Variants in RAB11FIP3 observed in about 807,000 individuals in gnomAD.
The protein encoded by RAB11FIP3 is rab11 family-interacting protein 3.
RAB11FIP3 carries 17 observed loss-of-function variants against 77.8 expected under a neutral mutation model. That is an observed-to-expected ratio of 0.22 (90% CI 0.15 to 0.33). RAB11FIP3 has a LOEUF of 0.33. Among genes scored for constraint, RAB11FIP3 ranks in the 10% least tolerant of loss-of-function variants. The pLI is 1.00. For synonymous variants in RAB11FIP3, 437 were observed against 448.2 expected (o/e 0.98, Z 0.31); for missense variants, 1,005 against 1,011.2 (o/e 0.99, Z 0.08).
At chr16:450,052 T>C (rs1161464825) in intron 1 of RAB11FIP3, among the ~76,000 whole-genome samples, 1 of 152,182 alleles carries the variant, frequency 6.6e-6, no homozygotes, top group Non-Finnish European at 1.5e-5. Context: ...GTCTTAGAAT[T>C]CTGCCTGCTA....
At chr16:430,969 C>A (rs760563944) in intron 1 of RAB11FIP3, among the ~76,000 whole-genome samples, 4 of 152,248 alleles carry the variant, frequency 2.6e-5, no homozygotes, top group Non-Finnish European at 5.9e-5. Context: ...GGATTGCAGG[C>A]ATGAGCCGTA....
intron 1 of RAB11FIP3, among the ~76,000 whole-genome samples, chr16:460,948 C>T (rs899961490): frequency 1.6e-4 from 24 of 152,174 alleles, no homozygotes; most frequent in African/African-American, 5.1e-4. Context: ...CAGAGGCTGT[C>T]ACTGTCAGCA....
intron 1 of RAB11FIP3, among the ~76,000 whole-genome samples, chr16:459,364 G>T (rs2055564046): frequency 6.6e-6 from 1 of 150,742 alleles, no homozygotes; most frequent in East Asian, 2.0e-4. Context: ...GACCTCAGGT[G>T]ATCCGCCTGC....
intron 8 of RAB11FIP3, among the ~76,000 whole-genome samples, chr16:510,064 C>T (rs530929261): frequency 2.0e-5 from 3 of 151,454 alleles, no homozygotes; most frequent in African/African-American, 4.9e-5. Flanking sequence ...TGAGCGCACG[C>T]GTTGTGTGTA....
intron 1 of RAB11FIP3, among the ~76,000 whole-genome samples, chr16:452,009 C>T (rs1225241419): frequency 1.3e-5 from 2 of 151,984 alleles, no homozygotes; most frequent in Admixed American, 1.3e-4. Flanking sequence ...ATTAGCTGGG[C>T]GTGATGGCAG....
chr16:488,865 G>A lies in RAB11FIP3; in HGVS notation c.1130G>A (p.Gly377Asp), dbSNP rs1166816061. ...LLLPGRPHPHGQSVITVIGGE... is the reference protein window; with the variant it reads ...LLLPGRPHPHDQSVITVIGGE... The stretch of plus-strand genomic sequence containing the variant: ...TTACTTTGCAGGCCTCACCCCCATG[G>A]CCAGTCTGTCATCACGGTGATCGGG... The change falls in exon 5 of 14, where the codon GGC becomes GAC. Residue 377 changes from glycine (G) to aspartate (D), a missense_variant. Around this residue, in one of 4 missense-constraint regions of RAB11FIP3, gnomAD observed 433 missense variants for 436.1 expected, o/e 0.99. Transcript: ENST00000262305. 3.7e-6 allele frequency: 6 copies of A among 1,613,860 alleles called. No individual in the cohort carries two copies. Among genetic ancestry groups the A allele is most frequent in the Non-Finnish European group, 5.1e-6 (6 of 1,179,962 alleles).
At chr16:503,974 ACC>A in intron 7 of RAB11FIP3, among the ~76,000 whole-genome samples, 1 of 13,840 alleles carries the variant, frequency 7.2e-5, no homozygotes, top group East Asian at 3.2e-3. Context: ...GTACCCCCTC[ACC>A]ACCTCCTGTA....
chr16:427,565 G>A (rs1312360974), intron 1 of RAB11FIP3, among the ~76,000 whole-genome samples: 1 of 152,206 alleles, frequency 6.6e-6, no homozygotes, highest in Non-Finnish European at 1.5e-5. Flanking sequence ...ATAACAGCAG[G>A]GCCGTGTGTG....
intron 1 of RAB11FIP3, among the ~76,000 whole-genome samples, chr16:436,621 A>G (rs911122335): frequency 1.3e-5 from 2 of 152,114 alleles, no homozygotes; most frequent in African/African-American, 2.4e-5. Flanking sequence ...AGCTGGGACT[A>G]TAAATGCCTG....
At chr16:475,311 A>G (rs1447826361) in intron 3 of RAB11FIP3, among the ~76,000 whole-genome samples, 3 of 152,242 alleles carry the variant, frequency 2.0e-5, no homozygotes, top group African/African-American at 7.2e-5. Flanking sequence ...TCCAAGATGC[A>G]CTTTGATTTT....
At chr16:447,413 T>C (rs1378115034) in intron 1 of RAB11FIP3, among the ~76,000 whole-genome samples, 1 of 152,056 alleles carries the variant, frequency 6.6e-6, no homozygotes, top group Non-Finnish European at 1.5e-5. Flanking sequence ...GGACTACAGG[T>C]GTGCACCACT....
In RAB11FIP3 at chr16:426,142, G is replaced by C; in HGVS notation, c.136G>C (p.Gly46Arg). ...PAELRLGAPV[G>R]GPDPQSPGLD... ...GGAGCTACGCCTCGGAGCGCCCGTC[G>C]GCGGCCCCGACCCGCAGTCCCCGGG... Residue 46 changes from glycine (G) to arginine (R), a missense_variant, in exon 1 of 14, where the codon GGC (glycine) becomes CGC (arginine). Physicochemically the swap from Gly to Arg is moderately radical, Grantham distance 125. This residue lies in a region of RAB11FIP3 where 466 missense variants were observed against 408.3 expected (regional missense o/e 1.14). Coordinates refer to ENST00000262305, the MANE Select transcript of RAB11FIP3 (RefSeq NM_014700.4). The surrounding 1 kb of genome is among the most constrained non-coding windows in gnomAD (Gnocchi z 5.0). 3.0e-6 allele frequency: 3 copies of C among 1,012,590 alleles called. No individual in the cohort carries two copies. The highest frequency in any genetic ancestry group is 4.5e-5 in the South Asian group (1 of 22,382). The allele number at this position is 1,012,590 out of a possible 1,614,324, so 62.7% of individuals were successfully genotyped here.
At chr16:499,086 C>T (rs868564206) in intron 6 of RAB11FIP3, among the ~76,000 whole-genome samples, 4 of 152,098 alleles carry the variant, frequency 2.6e-5, no homozygotes, top group Admixed American at 1.3e-4. Context: ...TTAGCAGGTG[C>T]CTGTAATCCC....
rs1567392530 is a variant in RAB11FIP3, at chr16:492,488, CCCGGGAGACCCGAGGCCG to C, written c.1265+3491_1265+3508del. On this transcript the variant is annotated intron_variant, in intron 5 of 13. Transcript: ENST00000262305. ...GAGACCCGAGGCCGCCCAGGGCCCT[CCCGGGAGACCCGAGGCCG>C]CCCAGGGCCCTCCCGGGAGACCCGA... Among the ~76,000 whole-genome samples, 10 of 15,174 alleles carry C rather than the reference CCCGGGAGACCCGAGGCCG, an allele frequency of 6.6e-4. 1 individual carries two copies. The highest frequency in any genetic ancestry group is 2.0e-3 in the African/African-American group (10 of 5,018). 10.0% of individuals were successfully genotyped at this position (15,174 alleles called of 152,430 possible).
chr16:437,570 CAAAAAAA>C (rs34184576), intron 1 of RAB11FIP3, among the ~76,000 whole-genome samples: 1 of 58,984 alleles, frequency 1.7e-5, no homozygotes, highest in Admixed American at 2.1e-4. Context: ...AACTCCATCT[CAAAAAAA>C]AAAAAAAAAA....
At chr16:445,475 A>C (rs1446564757) in intron 1 of RAB11FIP3, among the ~76,000 whole-genome samples, 1 of 152,184 alleles carries the variant, frequency 6.6e-6, no homozygotes, top group Non-Finnish European at 1.5e-5. Context: ...ATTGGGTTTT[A>C]GGTACTATGC....
chr16:448,626 C>T (rs1436478857), intron 1 of RAB11FIP3, among the ~76,000 whole-genome samples: 1 of 151,680 alleles, frequency 6.6e-6, no homozygotes, highest in Non-Finnish European at 1.5e-5. Context: ...GTCCCAGCTA[C>T]TCGGGAGGCT....
chr16:425,718 G>A lies in RAB11FIP3; in HGVS notation c.-289G>A. 1 of 272,250 alleles carries A rather than the reference G, an allele frequency of 3.7e-6. No individual in the cohort carries two copies. Among genetic ancestry groups the A allele is most frequent in the Non-Finnish European group, 6.8e-6 (1 of 146,684 alleles). 16.9% of individuals were successfully genotyped at this position (272,250 alleles called of 1,614,324 possible). The stretch of plus-strand genomic sequence containing the variant: ...CCGGCCTCCTCGGCCCCCGTCCCCC[G>A]GCCTCCTCGGCCCCCGTCCCCCGCC... On this transcript the variant is annotated 5_prime_UTR_variant, in exon 1 of 14. Transcript: ENST00000262305.
chr16:427,366 G>A (rs889293966), intron 1 of RAB11FIP3, among the ~76,000 whole-genome samples: 1 of 152,230 alleles, frequency 6.6e-6, no homozygotes, highest in African/African-American at 2.4e-5. Flanking sequence ...AAATGCAGAA[G>A]TCTAGCAGAA....
Sources: allele counts gnomAD v4.1 joint callset (sites outside exome capture counted in the v4.1 genomes callset), GRCh38; gene constraint gnomAD v4.1.1; regional missense constraint gnomAD v4.1.1; non-coding constraint Gnocchi (gnomAD v3.1); transcripts MANE v1.5; gene names NCBI Gene and HGNC (gene_info 2026-07-23, HGNC 2026-07-21).